Variants in DUSP16 observed in about 807,000 individuals in gnomAD.
The protein encoded by DUSP16 is dual specificity protein phosphatase 16.
In DUSP16, 21 loss-of-function variants were observed where a neutral mutation model predicts 58.3. That is an observed-to-expected ratio of 0.36 (90% confidence interval 0.26 to 0.52). DUSP16 has a LOEUF of 0.52. Among genes scored for constraint, DUSP16 ranks in the 20% least tolerant of loss-of-function variants. The pLI is 0.94. For synonymous variants in DUSP16, 320 were observed against 323.8 expected, an observed-to-expected ratio of 0.99 and a Z score of 0.12; for missense variants, 726 against 819.0, an observed-to-expected ratio of 0.89 and a Z score of 1.39.
At chr12:12,547,013 C>T (rs1255694194) in intron 1 of DUSP16, among the ~76,000 whole-genome samples, 4 of 152,144 alleles carry the variant, frequency 2.6e-5, no homozygotes, top group African/African-American at 9.7e-5. Context: ...ATATGAGAGC[C>T]ATGGACAACA....
chr12:12,515,574 C>G (rs962877023), intron 3 of DUSP16, among the ~76,000 whole-genome samples: 1 of 152,030 alleles, frequency 6.6e-6, no homozygotes, highest in East Asian at 1.9e-4. Flanking sequence ...GTGATCCGCC[C>G]GCCTCGGCCT....
At chr12:12,542,978 T>A (rs953613315) in intron 1 of DUSP16, among the ~76,000 whole-genome samples, 1 of 152,006 alleles carries the variant, frequency 6.6e-6, no homozygotes, top group African/African-American at 2.4e-5. Flanking sequence ...GATGAGAAAT[T>A]GGTACTCTGC....
intron 1 of DUSP16, among the ~76,000 whole-genome samples, chr12:12,527,387 C>T (rs912977249): frequency 1.1e-4 from 17 of 152,050 alleles, no homozygotes; most frequent in African/African-American, 4.1e-4. Flanking sequence ...AACTTTATCT[C>T]ATAAGCTGTG....
intron 1 of DUSP16, among the ~76,000 whole-genome samples, chr12:12,552,307 A>G (rs1325767084): frequency 6.6e-6 from 1 of 152,000 alleles, no homozygotes; most frequent in Non-Finnish European, 1.5e-5. Flanking sequence ...TTAGCTGGGC[A>G]TGGTGGTGCG....
rs185655921 is a variant in DUSP16 at position 12,480,123 on chromosome 12, A to G, written c.815+100T>C. 62 of 1,461,470 alleles carry G rather than the reference A, an allele frequency of 4.2e-5. No individual in the cohort carries two copies. In the African/African-American group the frequency reaches 6.5e-4, roughly 15 times the overall value. The allele number at this position is 1,461,470 out of a possible 1,614,324, so 90.5% of individuals were successfully genotyped here. A position where few individuals can be genotyped will look rare whatever the true frequency, so the allele number is the denominator to read the frequency against. ...GTAACCTGTAAAAAATGTGACTAAAATAATCATGATCTGCTTTAATTTGGT... is the reference window on the plus strand; with the variant it reads ...GTAACCTGTAAAAAATGTGACTAAAGTAATCATGATCTGCTTTAATTTGGT... On this transcript the variant is annotated intron_variant, in intron 6 of 6. Coordinates refer to ENST00000298573, the MANE Select transcript of DUSP16 (RefSeq NM_030640.3).
chr12:12,546,640 T>C (rs569047827), intron 1 of DUSP16, among the ~76,000 whole-genome samples: 2 of 152,326 alleles, frequency 1.3e-5, no homozygotes, highest in South Asian at 4.1e-4. Context: ...CAACACTAGA[T>C]AGACATGCTG....
At chr12:12,555,394 G>A (rs1427356623) in intron 1 of DUSP16, among the ~76,000 whole-genome samples, 1 of 152,136 alleles carries the variant, frequency 6.6e-6, no homozygotes, top group African/African-American at 2.4e-5. Flanking sequence ...AAAGCAACAG[G>A]TGTAAGAACT....
intron 1 of DUSP16, among the ~76,000 whole-genome samples, chr12:12,544,313 AC>A (rs1486206395): frequency 6.6e-6 from 1 of 152,118 alleles, no homozygotes; most frequent in Non-Finnish European, 1.5e-5. Context: ...GTTCACTTCT[AC>A]CTAGTATCTC....
chr12:12,477,744 C>T lies in DUSP16; in HGVS notation c.1087G>A (p.Val363Met), dbSNP rs61757366. The T allele has an allele frequency of 1.6e-4, 244 of 1,542,948 alleles. 2 individuals carry two copies. In the African/African-American group the frequency reaches 2.8e-3, roughly 18 times the overall value. Residue 363 changes from valine (V) to methionine (M), a missense_variant, in exon 7 of 7, where the codon GTG becomes ATG. Physicochemically the swap from Val to Met is conservative, Grantham distance 21. Coordinates refer to ENST00000298573, the MANE Select transcript of DUSP16 (RefSeq NM_030640.3). The surrounding 1 kb of genome is among the most constrained non-coding windows in gnomAD (Gnocchi z 4.1). The part of the protein sequence containing the change: ...RPVHPASVPS[V>M]PSVQPSLLED... Reference sequence around the variant, plus strand: ...AACAGCGACGGCTGCACGCTGGGCACGCTGGGCACGCTGGCGGGATGCACG... The same window carrying T: ...AACAGCGACGGCTGCACGCTGGGCATGCTGGGCACGCTGGCGGGATGCACG...
intron 1 of DUSP16, chr12:12,554,777 T>G (rs2136271950): frequency 6.6e-6 from 1 of 152,262 alleles, no homozygotes; most frequent in Admixed American, 6.5e-5. Context: ...TAATATATAT[T>G]CCATTTTCAA....
chr12:12,548,630 C>CAAAAAAAAAA (rs898316799), intron 1 of DUSP16, among the ~76,000 whole-genome samples: 1 of 63,334 alleles, frequency 1.6e-5, no homozygotes, highest in South Asian at 5.6e-4. Context: ...GACTCTGTCT[C>CAAAAAAAAAA]AAAAAAAAAA....
chr12:12,521,035 C>T lies in DUSP16; in HGVS notation c.64G>A (p.Gly22Arg). Residue 22 changes from glycine to arginine, a missense_variant, in exon 2 of 7, where the codon GGA (glycine) becomes AGA (arginine). Physicochemically the swap from Gly to Arg is moderately radical, Grantham distance 125. Transcript: ENST00000298573. ...TERLVALLES[G>R]TEKVLLIDSR... ...TCAATTAGCAGCACTTTTTCCGTTC[C>T]ACTTTCCAGCAGAGCCACCAACCTC... 1 of 1,614,180 alleles carries T rather than the reference C, an allele frequency of 6.2e-7. No individual in the cohort carries two copies. The highest frequency in any genetic ancestry group is 8.5e-7 in the Non-Finnish European group (1 of 1,180,022).
intron 5 of DUSP16, among the ~76,000 whole-genome samples, chr12:12,482,439 T>C (rs1159287378): frequency 6.6e-6 from 1 of 152,130 alleles, no homozygotes; most frequent in Admixed American, 6.5e-5. Context: ...CTTTTAAAAA[T>C]GAAAAAAACA....
chr12:12,511,156 T>G (rs924021726), intron 3 of DUSP16, among the ~76,000 whole-genome samples: 1 of 152,140 alleles, frequency 6.6e-6, no homozygotes, highest in Non-Finnish European at 1.5e-5. Flanking sequence ...GATTGGAAGG[T>G]GGCAAGACAG....
Position 12,477,189 on chromosome 12 carries a change from T to C in DUSP16, c.1642A>G (p.Thr548Ala). 1.2e-6 allele frequency: 2 copies of C among 1,614,104 alleles called. No homozygotes were observed. Among genetic ancestry groups the C allele is most frequent in the Non-Finnish European group, 1.7e-6 (2 of 1,180,002 alleles). ...GWHSDILAPQ[T>A]STPSLTSSWY... ...CTGCTGGTCAGGGAAGGGGTAGAGG[T>C]CTGGGGGGCCAAGATATCCGAGTGC... Residue 548 changes from threonine to alanine, a missense_variant, in exon 7 of 7, where the codon ACC (threonine) becomes GCC (alanine). By Grantham distance (58) the Thr-to-Ala change is moderately conservative. Coordinates refer to ENST00000298573, the MANE Select transcript of DUSP16 (RefSeq NM_030640.3). This position sits in a 1 kb window ranked among gnomAD's most constrained non-coding sequence, Gnocchi z 4.1.
intron 3 of DUSP16, 119 bp from the exon 4 acceptor site, chr12:12,500,801 C>G (rs1943897244): frequency 1.2e-6 from 1 of 865,758 alleles, no homozygotes; most frequent in African/African-American, 1.8e-5. Flanking sequence ...CACTGCACAC[C>G]TATTCCTGGC....
intron 1 of DUSP16, among the ~76,000 whole-genome samples, chr12:12,530,809 A>G (rs1944372011): frequency 6.6e-6 from 1 of 152,216 alleles, no homozygotes; most frequent in Non-Finnish European, 1.5e-5. Context: ...ATGTAGTAAA[A>G]TATCAAAGAC....
At chr12:12,507,012 T>C (rs1225965452) in intron 3 of DUSP16, among the ~76,000 whole-genome samples, 1 of 152,116 alleles carries the variant, frequency 6.6e-6, no homozygotes, top group East Asian at 1.9e-4. Context: ...TATGATTTTC[T>C]GTAAAAGCAA....
chr12:12,507,703 G>A (rs1944017120), intron 3 of DUSP16, among the ~76,000 whole-genome samples: 1 of 152,280 alleles, frequency 6.6e-6, no homozygotes, highest in African/African-American at 2.4e-5. Context: ...TCCACCTCCC[G>A]GGTTCAAGCA....
Sources: gnomAD v4.1 joint callset for allele counts (sites outside exome capture counted in the v4.1 genomes callset) on GRCh38, gnomAD v4.1.1 for gene constraint, Gnocchi (gnomAD v3.1) non-coding constraint, MANE v1.5 for transcripts, NCBI Gene and HGNC (gene_info 2026-07-23, HGNC 2026-07-21) for gene names.